The following ATL1 variants were observed in gnomAD, a reference collection of about 807,000 sequenced individuals.
ATL1 encodes the protein atlastin-1.
Under a neutral mutation model 75.5 loss-of-function variants are expected in ATL1, and 31 were observed. The observed-to-expected ratio is 0.41, with a 90% CI of 0.31 to 0.55. The LOEUF is 0.55. ATL1 is among the 20% of genes least tolerant of loss of function. The pLI is 0.27. For synonymous variants in ATL1, 226 were observed against 233.3 expected, an observed-to-expected ratio of 0.97 and a Z score of 0.28; for missense variants, 405 against 662.6, an observed-to-expected ratio of 0.61 and a Z score of 4.27.
At chr14:50,548,919 A>G (rs1280274630) in intron 1 of ATL1, among the ~76,000 whole-genome samples, 1 of 152,228 alleles carries the variant, frequency 6.6e-6, no homozygotes, top group African/African-American at 2.4e-5. Flanking sequence ...ACCAGAAAGC[A>G]GACCACACAA....
intron 12 of ATL1, 60 bp from the exon 13 acceptor site, chr14:50,629,935 G>T: frequency 7.7e-7 from 1 of 1,305,044 alleles, no homozygotes. Context: ...TGATTATAAT[G>T]CTGTTAATAA....
intron 5 of ATL1, among the ~76,000 whole-genome samples, chr14:50,595,047 A>G (rs1333598220): frequency 6.6e-6 from 1 of 151,920 alleles, no homozygotes; most frequent in Non-Finnish European, 1.5e-5. Flanking sequence ...GAAAAAAGAC[A>G]AAGAAAGGAA....
chr14:50,575,028 C>T (rs1236949102), intron 1 of ATL1, among the ~76,000 whole-genome samples: 3 of 144,814 alleles, frequency 2.1e-5, no homozygotes, highest in Non-Finnish European at 3.0e-5. Flanking sequence ...TTTCCTCTCT[C>T]TCTGGTCCTT....
chr14:50,547,709 G>A lies in ATL1; in HGVS notation c.-139-12418G>A, dbSNP rs1008772422. Among the ~76,000 whole-genome samples the A allele has an allele frequency of 2.0e-5, 3 of 152,320 alleles. No individual in the cohort carries two copies. The East Asian group carries it at 5.8e-4, about 29-fold the overall frequency. On this transcript the variant is annotated intron_variant, in intron 1 of 13. Coordinates refer to the ATL1 transcript ENST00000441560. ...TGAGCTAAATGAGGTGGTGCTGCTT[G>A]TATCTGCTGCCGTACCCAATATTAC...
chr14:50,573,613 A>G (rs879414934), intron 1 of ATL1, among the ~76,000 whole-genome samples: 3 of 152,096 alleles, frequency 2.0e-5, no homozygotes, highest in Non-Finnish European at 2.9e-5. Context: ...CTGATTTTTG[A>G]TGCGGTATGC....
intron 2 of ATL1, among the ~76,000 whole-genome samples, chr14:50,588,509 T>C (rs967451910): frequency 6.6e-6 from 1 of 152,204 alleles, no homozygotes; most frequent in Non-Finnish European, 1.5e-5. Flanking sequence ...ACCATTAACA[T>C]TAGTATTCCT....
intron 1 of ATL1, among the ~76,000 whole-genome samples, chr14:50,537,463 A>T (rs1459762729): frequency 6.6e-6 from 1 of 152,172 alleles, no homozygotes; most frequent in Admixed American, 6.5e-5. Flanking sequence ...GTTCCTACTG[A>T]GGTACTGCCT....
At chr14:50,592,682 C>G (rs532308493) in intron 4 of ATL1, among the ~76,000 whole-genome samples, 1 of 151,632 alleles carries the variant, frequency 6.6e-6, no homozygotes, top group African/African-American at 2.4e-5. Context: ...GAGGCCGAGG[C>G]GGGCGGATCA....
intron 1 of ATL1, among the ~76,000 whole-genome samples, chr14:50,582,789 A>C (rs2039069057): frequency 6.6e-6 from 1 of 152,096 alleles, no homozygotes; most frequent in Admixed American, 6.6e-5. Flanking sequence ...CAAAATAAGA[A>C]AGGAAAGTCA....
At chr14:50,618,991 A>G (rs2039441087) in intron 8 of ATL1, among the ~76,000 whole-genome samples, 1 of 151,958 alleles carries the variant, frequency 6.6e-6, no homozygotes, top group Non-Finnish European at 1.5e-5. Context: ...CCTAGGTTCA[A>G]GCGATTCTCC....
chr14:50,547,427 G>A (rs1276321873), intron 1 of ATL1, among the ~76,000 whole-genome samples: 1 of 152,186 alleles, frequency 6.6e-6, no homozygotes, highest in Non-Finnish European at 1.5e-5. Flanking sequence ...ACCTCTGTGA[G>A]CTGAATAAAA....
chr14:50,573,617 G>A lies in ATL1; in HGVS notation c.34+13318G>A, dbSNP rs140753351. On this transcript the variant is annotated intron_variant, in intron 1 of 13. Transcript: ENST00000358385. ...TTTCATGTTTCCTGATTTTTGATGC[G>A]GTATGCAATATATGTCCATTAGCTC... 2.6e-3 allele frequency among the ~76,000 whole-genome samples: 392 copies of A among 151,880 alleles called. 2 individuals carry two copies. The highest frequency in any genetic ancestry group is 3.3e-3 in the African/African-American group (137 of 41,422).
At chr14:50,609,805 G>A (rs1234449413) in intron 6 of ATL1, among the ~76,000 whole-genome samples, 4 of 152,126 alleles carry the variant, frequency 2.6e-5, no homozygotes, top group East Asian at 3.9e-4. Context: ...AAAAATGCCC[G>A]TTCTAGGTCT....
intron 1 of ATL1, among the ~76,000 whole-genome samples, chr14:50,547,721 G>A (rs1205283413): frequency 2.6e-5 from 4 of 152,250 alleles, no homozygotes; most frequent in African/African-American, 4.8e-5. Flanking sequence ...ATCTGCTGCC[G>A]TACCCAATAT....
intron 8 of ATL1, among the ~76,000 whole-genome samples, chr14:50,615,343 A>G (rs1439148737): frequency 6.6e-6 from 1 of 152,230 alleles, no homozygotes. Context: ...CAGTGGCATT[A>G]CAAGCTTTTC....
chr14:50,579,433 C>T (rs1235451356), intron 1 of ATL1, among the ~76,000 whole-genome samples: 2 of 152,084 alleles, frequency 1.3e-5, no homozygotes. Flanking sequence ...AATTTTGTTC[C>T]TCTTCAAGGT....
At chr14:50,607,382 G>C (rs2039325332) in intron 6 of ATL1, among the ~76,000 whole-genome samples, 3 of 152,046 alleles carry the variant, frequency 2.0e-5, no homozygotes, top group Admixed American at 2.0e-4. Flanking sequence ...AGGCGTCAGG[G>C]GCGTGTTTTG....
chr14:50,549,781 T>C (rs1250266365), intron 1 of ATL1, among the ~76,000 whole-genome samples: 2 of 152,174 alleles, frequency 1.3e-5, no homozygotes, highest in Non-Finnish European at 2.9e-5. Context: ...GAATGGCCTT[T>C]TAAAAACCCA....
chr14:50,559,024 G>A (rs1027546753), upstream of ATL1: 1 of 152,200 alleles, frequency 6.6e-6, no homozygotes, highest in African/African-American at 2.4e-5. Flanking sequence ...GGAAAACAAC[G>A]TGAGGATAAC....
Sources: allele counts gnomAD v4.1 joint callset (sites outside exome capture counted in the v4.1 genomes callset), GRCh38; gene constraint gnomAD v4.1.1; transcripts MANE v1.5; gene names NCBI Gene and HGNC (gene_info 2026-07-23, HGNC 2026-07-21).